Variants in PPEF1 observed in about 807,000 individuals in gnomAD.
PPEF1 encodes protein phosphatase with EF-hand domain 1.
In PPEF1, 12 loss-of-function variants were observed where a neutral mutation model predicts 53.3. The ratio of observed to expected loss-of-function variants is 0.23; its 90% CI spans 0.14 to 0.36. PPEF1 has a LOEUF of 0.36. PPEF1 is among the 10% of genes least tolerant of loss of function. PPEF1 has a pLI of 1.00. For synonymous variants in PPEF1, 165 were observed against 176.7 expected (o/e 0.93, Z 0.52); for missense variants, 334 against 490.4 (o/e 0.68, Z 3.01).
intron 12 of PPEF1, among the ~76,000 whole-genome samples, chrX:18,809,430 G>A (rs1354963700): frequency 3.6e-5 from 4 of 110,805 alleles, no homozygotes; most frequent in Non-Finnish European, 7.5e-5. Flanking sequence ...ATTTGGCCAA[G>A]CGCAGTGGCT....
chrX:18,730,267 T>C lies in PPEF1; in HGVS notation c.133T>C (p.Phe45Leu). 8.3e-7 allele frequency: 1 copy of C among 1,210,227 alleles called. No homozygotes were observed. Among genetic ancestry groups the C allele is most frequent in the Non-Finnish European group, 1.1e-6 (1 of 894,189 alleles). ...KARQHYALTI[F>L]QSIEYADEQG... ...CAGACAACACTATGCCCTCACCATC[T>C]TCCAGTCCATCGAATATGCTGATGA... The change falls in exon 2 of 16, where the codon TTC becomes CTC. Residue 45 changes from phenylalanine to leucine, a missense_variant. Coordinates refer to ENST00000470157, the MANE Select transcript of PPEF1 (RefSeq NM_001377996.1).
At chrX:18,729,919 G>A (rs1191774719) in intron 1 of PPEF1, among the ~76,000 whole-genome samples, 1 of 112,203 alleles carries the variant, frequency 8.9e-6, no homozygotes. Flanking sequence ...ACGGTAATTA[G>A]CAGAGCTAGG....
chrX:18,766,136 G>A (rs1361496194), intron 6 of PPEF1, among the ~76,000 whole-genome samples: 2 of 109,437 alleles, frequency 1.8e-5, no homozygotes, highest in Admixed American at 2.0e-4. Context: ...ACTTAATGGT[G>A]TCTCAGACGG....
chrX:18,706,510 C>T (rs998530794), upstream of PPEF1, among the ~76,000 whole-genome samples: 3 of 110,596 alleles, frequency 2.7e-5, no homozygotes, highest in East Asian at 2.9e-4. Context: ...TTTGGGAGGC[C>T]GAGGCAGGTG....
chrX:18,680,846 T>A (rs1159154579), upstream of PPEF1, among the ~76,000 whole-genome samples: 1 of 102,823 alleles, frequency 9.7e-6, no homozygotes, highest in Admixed American at 1.1e-4. Context: ...AATTCCCACT[T>A]ATGAGTGAAA....
At chrX:18,689,580 G>A (rs1223392125) in intron 3 of PPEF1, among the ~76,000 whole-genome samples, 2 of 109,403 alleles carry the variant, frequency 1.8e-5, no homozygotes, top group Non-Finnish European at 3.8e-5. Context: ...CTGTCACCTG[G>A]GAGCTTATTA....
At chrX:18,690,194 A>AATAT (rs1457038061) in intron 3 of PPEF1, among the ~76,000 whole-genome samples, 2 of 111,182 alleles carry the variant, frequency 1.8e-5, no homozygotes, top group Admixed American at 9.7e-5. Context: ...ATGCTCAACA[A>AATAT]ATATTTATTT....
chrX:18,803,940 C>T lies in PPEF1; in HGVS notation c.1114C>T (p.Pro372Ser), dbSNP rs758067009. The T allele has an allele frequency of 8.3e-7, 1 of 1,208,602 alleles. No individual in the cohort carries two copies. Among genetic ancestry groups the T allele is most frequent in the East Asian group, 3.0e-5 (1 of 33,728 alleles). The change falls in exon 11 of 16, where the codon CCA becomes TCA. Residue 372 changes from proline to serine, a missense_variant. Physicochemically the swap from Pro to Ser is moderately conservative, Grantham distance 74 (BLOSUM62 -1). Coordinates refer to ENST00000470157, the MANE Select transcript of PPEF1 (RefSeq NM_001377996.1). ...SDPRGKNGCF[P>S]NTCRGGGCYF... ...TCCCAGAGGCAAAAATGGCTGTTTT[C>T]CAAATACGTGCCGAGGAGGGGGCTG... is the stretch of plus-strand genomic sequence containing the variant.
intron 6 of PPEF1, among the ~76,000 whole-genome samples, chrX:18,773,738 A>T (rs1299058606): frequency 9.0e-6 from 1 of 111,494 alleles, no homozygotes; most frequent in African/African-American, 3.3e-5. Flanking sequence ...GTATTTCTCA[A>T]ATAGCTATAA....
chrX:18,724,944 G>A (rs772949365), intron 1 of PPEF1, among the ~76,000 whole-genome samples: 1 of 111,155 alleles, frequency 9.0e-6, no homozygotes, highest in South Asian at 3.8e-4. Flanking sequence ...GTCTGATATT[G>A]GTATGCCCAA....
chrX:18,808,169 G>A (rs781034425), intron 12 of PPEF1, among the ~76,000 whole-genome samples: 55 of 107,541 alleles, frequency 5.1e-4, no homozygotes, highest in African/African-American at 1.8e-3. Context: ...GTTTCACCAT[G>A]TTGGCTAGGA....
At chrX:18,788,329 G>GAAAAAAAAAAAAAAAAAAAAAAAAAAA (rs2046261320) in intron 9 of PPEF1, among the ~76,000 whole-genome samples, 1 of 63,967 alleles carries the variant, frequency 1.6e-5, no homozygotes. Flanking sequence ...AAAAAAAAAG[G>GAAAAAAAAAAAAAAAAAAAAAAAAAAA]AAACTTAAGT....
At chrX:18,767,754 A>G (rs1196157063) in intron 6 of PPEF1, among the ~76,000 whole-genome samples, 3 of 111,147 alleles carry the variant, frequency 2.7e-5, no homozygotes, top group Non-Finnish European at 5.7e-5. Flanking sequence ...GAGAAAGCTT[A>G]GTTAGGAGAA....
At chrX:18,726,351 C>CAAATCAAT (rs1555968253) in intron 1 of PPEF1, among the ~76,000 whole-genome samples, 4 of 94,755 alleles carry the variant, frequency 4.2e-5, no homozygotes, top group African/African-American at 1.6e-4. Context: ...GACTCTGACT[C>CAAATCAAT]AAATAAATAA....
chrX:18,760,120 G>A (rs975666522), intron 5 of PPEF1, among the ~76,000 whole-genome samples: 5 of 110,962 alleles, frequency 4.5e-5, no homozygotes, highest in African/African-American at 1.3e-4. Flanking sequence ...CTGAGTAGCT[G>A]GGATTACAGG....
chrX:18,809,882 A>G (rs992788653), intron 12 of PPEF1, among the ~76,000 whole-genome samples: 9 of 111,622 alleles, frequency 8.1e-5, no homozygotes, highest in Admixed American at 2.9e-4. Context: ...GACATCACTT[A>G]TATGTGGAAT....
chrX:18,712,292 A>G (rs1350634740), intron 1 of PPEF1, among the ~76,000 whole-genome samples: 2 of 111,558 alleles, frequency 1.8e-5, no homozygotes, highest in Non-Finnish European at 3.8e-5. Context: ...ATCCATGAAC[A>G]TGGGATGTCT....
chrX:18,741,864 C>T (rs755174847), intron 3 of PPEF1, among the ~76,000 whole-genome samples: 3 of 102,584 alleles, frequency 2.9e-5, no homozygotes, highest in Non-Finnish European at 3.9e-5. Context: ...ATTGCAGTGG[C>T]GCAATCTCAC....
At chrX:18,726,497 T>C (rs2044711417) in intron 1 of PPEF1, among the ~76,000 whole-genome samples, 1 of 111,369 alleles carries the variant, frequency 9.0e-6, no homozygotes, top group Admixed American at 9.6e-5. Context: ...TCATACTAAA[T>C]AAGTGACTTG....
Sources: allele counts gnomAD v4.1 joint callset (sites outside exome capture counted in the v4.1 genomes callset), GRCh38; gene constraint gnomAD v4.1.1; transcripts MANE v1.5; gene names NCBI Gene and HGNC (gene_info 2026-07-23, HGNC 2026-07-21).